Variants in CSMD1 observed in about 807,000 individuals in gnomAD.
The protein encoded by CSMD1 is CUB and Sushi multiple domains 1.
In CSMD1, 213 loss-of-function variants were observed where a neutral mutation model predicts 417.5. The ratio of observed to expected loss-of-function variants is 0.51; its 90% CI spans 0.46 to 0.57. The LOEUF (loss-of-function observed/expected upper bound fraction) is 0.57. Ranked by LOEUF, CSMD1 falls within the 20% of genes least tolerant of loss-of-function variation. The probability of loss-of-function intolerance (pLI) is 0.00; values close to 1 mark genes in which losing one functional copy is unlikely to be tolerated. For missense variants in CSMD1, 6,923 were observed against 4,529.7 expected (o/e 1.53, Z -15.17); for synonymous variants, 2,862 against 1,736.8 (o/e 1.65, Z -16.11).
chr8:4,382,564 A>G (rs1803171345), intron 3 of CSMD1, among the ~76,000 whole-genome samples: 1 of 152,236 alleles, frequency 6.6e-6, no homozygotes, highest in African/African-American at 2.4e-5. Context: ...GAGTATAAGC[A>G]TTCCTTTAAA....
At chr8:4,448,136 A>G (rs1342968644) in intron 2 of CSMD1, among the ~76,000 whole-genome samples, 2 of 152,154 alleles carry the variant, frequency 1.3e-5, no homozygotes, top group East Asian at 1.9e-4. Context: ...ACTTTTACCA[A>G]TGTGTATCGC....
At chr8:4,465,875 G>C (rs1800136073) in intron 2 of CSMD1, among the ~76,000 whole-genome samples, 1 of 152,152 alleles carries the variant, frequency 6.6e-6, no homozygotes, top group Non-Finnish European at 1.5e-5. Flanking sequence ...GATTGTATCT[G>C]GAAGTGGCTG....
intron 5 of CSMD1, among the ~76,000 whole-genome samples, chr8:3,781,415 C>G (rs1563073535): frequency 6.6e-6 from 1 of 152,230 alleles, no homozygotes; most frequent in African/African-American, 2.4e-5. Flanking sequence ...GCCAGGTGGA[C>G]TGGGAGCAGC....
chr8:4,796,919 G>C (rs1798011036), intron 1 of CSMD1, among the ~76,000 whole-genome samples: 1 of 152,184 alleles, frequency 6.6e-6, no homozygotes, highest in Non-Finnish European at 1.5e-5. Flanking sequence ...AGGTCTCTGA[G>C]TGTGGCTGCA....
chr8:3,752,951 A>C (rs1164356586), intron 6 of CSMD1, among the ~76,000 whole-genome samples: 1 of 152,194 alleles, frequency 6.6e-6, no homozygotes, highest in Non-Finnish European at 1.5e-5. Flanking sequence ...TTGTTGAAAA[A>C]TTACTAAAAT....
intron 3 of CSMD1, among the ~76,000 whole-genome samples, chr8:4,049,610 A>G (rs546995362): frequency 2.6e-5 from 4 of 152,196 alleles, no homozygotes; most frequent in Admixed American, 2.6e-4. Context: ...AGGGTTTAAT[A>G]TTTCATTGCT....
chr8:3,996,300 G>C (rs2627477), intron 5 of CSMD1, among the ~76,000 whole-genome samples: 95,633 of 152,046 alleles, frequency 0.63, 30,748 homozygotes, highest in African/African-American at 0.77. Flanking sequence ...TTCTGAGAAT[G>C]AGTCCCTATA....
intron 3 of CSMD1, among the ~76,000 whole-genome samples, chr8:4,104,193 G>T (rs1025352568): frequency 6.6e-6 from 1 of 152,212 alleles, no homozygotes; most frequent in African/African-American, 2.4e-5. Flanking sequence ...TCATTCTCTA[G>T]GGTCATAGTG....
intron 10 of CSMD1, among the ~76,000 whole-genome samples, chr8:3,534,039 T>G (rs537149858): frequency 6.6e-6 from 1 of 152,198 alleles, no homozygotes; most frequent in Non-Finnish European, 1.5e-5. Context: ...TGAATAAAAG[T>G]CATTGCTTGA....
At chr8:4,046,930 G>A (rs940445666) in intron 3 of CSMD1, among the ~76,000 whole-genome samples, 3 of 152,022 alleles carry the variant, frequency 2.0e-5, no homozygotes, top group South Asian at 2.1e-4. Flanking sequence ...TGGCCAAGAG[G>A]GAACTTGAGT....
intron 7 of CSMD1, among the ~76,000 whole-genome samples, chr8:3,680,093 A>G (rs961768391): frequency 1.3e-5 from 2 of 152,300 alleles, no homozygotes; most frequent in South Asian, 2.1e-4. Context: ...GGAAAGACCT[A>G]TAATCGACAC....
rs376272683 is a variant in CSMD1 at position 4,316,528 on chromosome 8, G to T, written c.415+103425C>A. ...CAAATAGAACTATTATTCCATAATA[G>T]ATTTCTGGTAAAATAATTATATATA... is the stretch of plus-strand genomic sequence containing the variant. On this transcript the variant is annotated intron_variant, in intron 3 of 69. Coordinates refer to ENST00000635120, the MANE Select transcript of CSMD1 (RefSeq NM_033225.6). Among the ~76,000 whole-genome samples, 9 of 152,102 alleles carry T rather than the reference G, an allele frequency of 5.9e-5. 1 individual carries two copies. The East Asian group carries it at 1.5e-3, about 26-fold the overall frequency.
At chr8:3,724,410 A>T (rs1009184434) in intron 6 of CSMD1, among the ~76,000 whole-genome samples, 6 of 152,188 alleles carry the variant, frequency 3.9e-5, no homozygotes, top group African/African-American at 1.4e-4. Flanking sequence ...GAGTATTGTC[A>T]CTTTTAAATG....
intron 4 of CSMD1, among the ~76,000 whole-genome samples, chr8:4,022,157 T>C (rs181694939): frequency 3.6e-5 from 5 of 137,476 alleles, no homozygotes; most frequent in Non-Finnish European, 4.6e-5. Context: ...TATTTGTATA[T>C]ATATTAATAT....
intron 3 of CSMD1, among the ~76,000 whole-genome samples, chr8:4,252,534 C>A (rs542671600): frequency 1.3e-5 from 2 of 152,310 alleles, no homozygotes; most frequent in East Asian, 3.9e-4. Context: ...CCATAAAATG[C>A]TCCTTAGAAT....
At chr8:3,724,837 C>T (rs549396572) in intron 6 of CSMD1, among the ~76,000 whole-genome samples, 14 of 152,166 alleles carry the variant, frequency 9.2e-5, no homozygotes, top group Admixed American at 1.3e-4. Flanking sequence ...ATCACATTAA[C>T]GGTGATGGCA....
chr8:4,277,553 A>T (rs1041022253), intron 3 of CSMD1, among the ~76,000 whole-genome samples: 2 of 152,156 alleles, frequency 1.3e-5, no homozygotes, highest in African/African-American at 4.8e-5. Flanking sequence ...GAAATTATAG[A>T]CATGGATAGA....
At position 4,166,687 on chromosome 8, in the gene CSMD1, C is replaced by T. The variant is rs567756916; in HGVS notation, c.416-134588G>A. 7.2e-5 allele frequency among the ~76,000 whole-genome samples: 11 copies of T among 152,144 alleles called. No homozygotes were observed. The South Asian group carries it at 2.1e-3, about 29-fold the overall frequency. On this transcript the variant is annotated intron_variant, in intron 3 of 69. Coordinates refer to ENST00000635120, the MANE Select transcript of CSMD1 (RefSeq NM_033225.6). ...GCTGGGGTGATGGGTGCACCAAAAT[C>T]AAGAAAATCAGCTCTAAAGAACATA...
intron 5 of CSMD1, among the ~76,000 whole-genome samples, chr8:3,909,709 G>A (rs4875797): frequency 0.51 from 78,063 of 151,980 alleles, 23,470 homozygotes; most frequent in South Asian, 0.66. Context: ...AATTCTTGCG[G>A]CTTGTGTAGC....
Sources: gnomAD v4.1 joint callset for allele counts (sites outside exome capture counted in the v4.1 genomes callset) on GRCh38, gnomAD v4.1.1 for gene constraint, MANE v1.5 for transcripts, NCBI Gene and HGNC (gene_info 2026-07-23, HGNC 2026-07-21) for gene names.